RBFOX3: variants seen among roughly 807,000 people sequenced by gnomAD.
The protein encoded by RBFOX3 is RNA binding fox-1 homolog 3, also known as RNA binding protein fox-1 homolog 3.
RBFOX3 carries 17 observed loss-of-function variants against 48.7 expected under a neutral mutation model. The ratio of observed to expected loss-of-function variants is 0.35; its 90% CI spans 0.24 to 0.52. RBFOX3 has a LOEUF of 0.52. RBFOX3 is among the 20% of genes least tolerant of loss of function. RBFOX3 has a pLI of 0.94. For synonymous variants in RBFOX3, 212 were observed against 209.5 expected (o/e 1.01, Z -0.10); for missense variants, 382 against 497.5 (o/e 0.77, Z 2.21).
intron 2 of RBFOX3, among the ~76,000 whole-genome samples, chr17:79,398,380 G>T (rs901676030): frequency 3.9e-5 from 6 of 152,208 alleles, no homozygotes; most frequent in Non-Finnish European, 7.3e-5. Flanking sequence ...AGAATGTGGG[G>T]ACCCACTATG....
chr17:79,097,610 A>AT, intron 10 of RBFOX3, 82 bp downstream of exon 10: 4 of 1,015,748 alleles, frequency 3.9e-6, no homozygotes, highest in Admixed American at 4.2e-5. Flanking sequence ...CCCGCCCCTC[A>AT]TGCCCCGCCC....
chr17:79,394,195 C>T (rs555879848), intron 2 of RBFOX3, among the ~76,000 whole-genome samples: 1 of 152,358 alleles, frequency 6.6e-6, no homozygotes, highest in South Asian at 2.1e-4. Flanking sequence ...GAGCCCTCGC[C>T]TGTGGGCTGA....
intron 1 of RBFOX3, chr17:79,598,597 A>G (rs1216252764): frequency 6.6e-6 from 1 of 152,126 alleles, no homozygotes; most frequent in East Asian, 1.9e-4. Context: ...TCCTCCACAG[A>G]GGAGCATAAA....
At chr17:79,351,722 C>T (rs894039244) in intron 2 of RBFOX3, among the ~76,000 whole-genome samples, 1 of 152,106 alleles carries the variant, frequency 6.6e-6, no homozygotes, top group Admixed American at 6.6e-5. Flanking sequence ...CCTGATGTAT[C>T]CTGGGTTTTA....
At chr17:79,416,898 G>T (rs2148673625) in intron 2 of RBFOX3, among the ~76,000 whole-genome samples, 1 of 152,362 alleles carries the variant, frequency 6.6e-6, no homozygotes, top group African/African-American at 2.4e-5. Context: ...CCCTCCTGCT[G>T]GCTGCACCTG....
chr17:79,548,289 C>T (rs1244942380), intron 1 of RBFOX3, among the ~76,000 whole-genome samples: 3 of 152,160 alleles, frequency 2.0e-5, no homozygotes, highest in Admixed American at 6.5e-5. Context: ...ACTGGGGTCT[C>T]GGGCCTGAGG....
chr17:79,269,451 C>T (rs1292728787), intron 3 of RBFOX3, among the ~76,000 whole-genome samples: 1 of 152,140 alleles, frequency 6.6e-6, no homozygotes, highest in African/African-American at 2.4e-5. Flanking sequence ...AGCAGGTGCT[C>T]AATGAATATT....
intron 2 of RBFOX3, among the ~76,000 whole-genome samples, chr17:79,438,747 C>T (rs553437362): frequency 1.1e-4 from 16 of 152,362 alleles, no homozygotes; most frequent in Admixed American, 3.9e-4. Flanking sequence ...ACCTGCTTTG[C>T]TTGGCTTCTC....
upstream of RBFOX3, among the ~76,000 whole-genome samples, chr17:79,614,056 G>A (rs2093984651): frequency 6.6e-6 from 1 of 152,272 alleles, no homozygotes; most frequent in African/African-American, 2.4e-5. Context: ...GCCGGCTGTG[G>A]GCAGCGGGGA....
chr17:79,139,164 T>TGGGCTCACACCC (rs945761666), intron 4 of RBFOX3, among the ~76,000 whole-genome samples: 2 of 152,108 alleles, frequency 1.3e-5, no homozygotes, highest in African/African-American at 4.8e-5. Context: ...TGCTCACACC[T>TGGGCTCACACCC]GGGCTCACAC....
chr17:79,308,766 A>C (rs1306007792), intron 2 of RBFOX3, among the ~76,000 whole-genome samples: 1 of 150,422 alleles, frequency 6.6e-6, no homozygotes, highest in Non-Finnish European at 1.5e-5. Context: ...CAGTGACAAT[A>C]CACCAGATCT....
chr17:79,481,179 C>A lies in RBFOX3; in HGVS notation c.-175+1275G>T, dbSNP rs1013055234. ...TTTGATGGGTATTGGAGAGACCAGC[C>A]TGTGTCCGGGCCTCTGGTCTCTTTG... On this transcript the variant is annotated intron_variant, in intron 2 of 14. Transcript: ENST00000693108. This position sits in a 1 kb window ranked among gnomAD's most constrained non-coding sequence, Gnocchi z 5.4. Among the ~76,000 whole-genome samples, 65 of 152,186 alleles carry A rather than the reference C, an allele frequency of 4.3e-4. No individual in the cohort carries two copies. Among genetic ancestry groups the A allele is most frequent in the African/African-American group, 1.5e-3 (64 of 41,438 alleles).
At chr17:79,340,737 G>C (rs1411103199) in intron 2 of RBFOX3, among the ~76,000 whole-genome samples, 1 of 151,858 alleles carries the variant, frequency 6.6e-6, no homozygotes, top group Non-Finnish European at 1.5e-5. Flanking sequence ...AAAAAAGTAA[G>C]GAAAAGAAAA....
intron 2 of RBFOX3, among the ~76,000 whole-genome samples, chr17:79,401,318 C>T (rs11650162): frequency 1.3e-5 from 2 of 152,038 alleles, no homozygotes; most frequent in African/African-American, 2.4e-5. Flanking sequence ...GGTGGTAGAA[C>T]GGGGCTACTA....
chr17:79,200,119 C>T (rs183697297), intron 4 of RBFOX3, among the ~76,000 whole-genome samples: 1 of 141,792 alleles, frequency 7.1e-6, no homozygotes, highest in East Asian at 2.1e-4. Flanking sequence ...GCCGATATTG[C>T]GTCACTGTAC....
At chr17:79,318,274 G>A (rs2077821747) in intron 2 of RBFOX3, among the ~76,000 whole-genome samples, 1 of 152,174 alleles carries the variant, frequency 6.6e-6, no homozygotes, top group South Asian at 2.1e-4. Flanking sequence ...AGAGGAGAAG[G>A]AGGTCTGTGT....
intron 4 of RBFOX3, among the ~76,000 whole-genome samples, chr17:79,151,319 C>T (rs536748280): frequency 1.3e-5 from 2 of 148,532 alleles, no homozygotes; most frequent in African/African-American, 5.0e-5. Flanking sequence ...CCCCACGGGA[C>T]GCGTGGTCCC....
intron 4 of RBFOX3, among the ~76,000 whole-genome samples, chr17:79,171,442 A>T (rs1039618176): frequency 1.4e-4 from 21 of 152,172 alleles, no homozygotes; most frequent in African/African-American, 4.8e-4. Flanking sequence ...GCAACTGCTC[A>T]TTTCTGCCGT....
At chr17:79,650,817 T>TCC in the RBFOX3 span, among the ~76,000 whole-genome samples, 1 of 152,060 alleles carries the variant, frequency 6.6e-6, no homozygotes, top group African/African-American at 2.4e-5. Flanking sequence ...CGCCCACCAG[T>TCC]CCCCGGCATC....
Sources: allele counts gnomAD v4.1 joint callset (sites outside exome capture counted in the v4.1 genomes callset), GRCh38; gene constraint gnomAD v4.1.1; non-coding constraint Gnocchi (gnomAD v3.1); transcripts MANE v1.5; gene names NCBI Gene and HGNC (gene_info 2026-07-23, HGNC 2026-07-21).